NEO1: variants seen among roughly 807,000 people sequenced by gnomAD.
NEO1 encodes neogenin 1.
NEO1 carries 63 observed loss-of-function variants against 159.7 expected under a neutral mutation model. The observed-to-expected ratio is 0.39, with a 90% confidence interval of 0.32 to 0.49. The LOEUF (loss-of-function observed/expected upper bound fraction) is 0.49, where lower values mean the gene tolerates loss of function less well. Ranked by LOEUF, NEO1 falls within the 20% of genes least tolerant of loss-of-function variation. The pLI, the probability that NEO1 is intolerant of heterozygous loss-of-function variation, is 0.85. For missense variants in NEO1, 1,615 were observed against 1,831.0 expected, an observed-to-expected ratio of 0.88 and a Z score of 2.15; for synonymous variants, 633 against 662.0, an observed-to-expected ratio of 0.96 and a Z score of 0.67.
In NEO1 at chr15:73,186,763, G is replaced by A. The variant is rs189216326; in HGVS notation, c.1291+8336G>A. Among the ~76,000 whole-genome samples, 696 of 152,210 alleles carry A rather than the reference G, an allele frequency of 4.6e-3. 20 individuals are homozygous for A. Among genetic ancestry groups the A allele is most frequent in the Admixed American group, 0.033 (510 of 15,284 alleles). On this transcript the variant is annotated intron_variant, in intron 7 of 28. Transcript: ENST00000261908. Reference sequence around the variant, plus strand: ...CAATGATGGGGAGGTGAGGGGAATAGGGCAGGCAGCAATAGGGTAACACGC... The same window carrying A: ...CAATGATGGGGAGGTGAGGGGAATAAGGCAGGCAGCAATAGGGTAACACGC...
At position 73,060,529 on chromosome 15, in the gene NEO1, A is replaced by G. The variant is rs548777584; in HGVS notation, c.130+7724A>G. On this transcript the variant is annotated intron_variant, in intron 1 of 28. Transcript: ENST00000261908. ...ATGATCTGCCCGCCTCGGCCTCCCA[A>G]AGTGTTGGGATTACAGACGTGAGCC... 9.9e-5 allele frequency among the ~76,000 whole-genome samples: 15 copies of G among 152,230 alleles called. No homozygotes were observed. The South Asian group carries it at 2.9e-3, about 29-fold the overall frequency.
chr15:73,123,188 G>A (rs2071773046), intron 3 of NEO1, among the ~76,000 whole-genome samples: 1 of 151,830 alleles, frequency 6.6e-6, no homozygotes, highest in Non-Finnish European at 1.5e-5. Flanking sequence ...GTTAATATGC[G>A]GTATGACATT....
chr15:73,065,347 T>G (rs1352706833), intron 1 of NEO1, among the ~76,000 whole-genome samples: 1 of 152,190 alleles, frequency 6.6e-6, no homozygotes, highest in Admixed American at 6.5e-5. Context: ...GATCATTTCT[T>G]TCTGCCTGGA....
Position 73,126,431 on chromosome 15 carries a change from T to C in NEO1, c.739T>C (p.Ser247Pro). The change falls in exon 4 of 29, where the codon TCA becomes CCA. Residue 247 changes from serine (S) to proline (P), a missense_variant. Ser to Pro is a moderately conservative substitution (Grantham distance 74). Transcript: ENST00000261908. ...LKVLPDPEVISDLVFLKQPSP... is the reference protein window; with the variant it reads ...LKVLPDPEVIPDLVFLKQPSP... ...TTTTTTTTTAGATCCTGAGGTGATA[T>C]CAGACTTGGTATTTTTGAAACAGCC... 1 of 1,600,394 alleles carries C rather than the reference T, an allele frequency of 6.2e-7. No homozygotes were observed. The highest frequency in any genetic ancestry group is 1.7e-4 in the Middle Eastern group (1 of 5,998).
At chr15:73,092,024 ACT>A (rs2069723658) in intron 1 of NEO1, among the ~76,000 whole-genome samples, 1 of 151,954 alleles carries the variant, frequency 6.6e-6, no homozygotes, top group Non-Finnish European at 1.5e-5. Context: ...ATAAAATTGA[ACT>A]CTCTATTCAG....
At chr15:73,174,966 T>C (rs2035199044) in intron 5 of NEO1, among the ~76,000 whole-genome samples, 1 of 152,170 alleles carries the variant, frequency 6.6e-6, no homozygotes, top group Non-Finnish European at 1.5e-5. Flanking sequence ...TTTCCCTCCT[T>C]GGGGGAGGTT....
chr15:73,170,338 G>GGCTTCT (rs1179152931), intron 5 of NEO1, among the ~76,000 whole-genome samples: 4 of 152,124 alleles, frequency 2.6e-5, no homozygotes, highest in Admixed American at 6.5e-5. Flanking sequence ...AGATACAGAT[G>GGCTTCT]TAAAATTAAG....
At chr15:73,101,708 C>T (rs2070411885) in intron 1 of NEO1, among the ~76,000 whole-genome samples, 1 of 152,070 alleles carries the variant, frequency 6.6e-6, no homozygotes, top group African/African-American at 2.4e-5. Context: ...CGATTTTGTC[C>T]AGTTTTTAGT....
chr15:73,279,345 G>GTTTTTT (rs34303412), intron 22 of NEO1, among the ~76,000 whole-genome samples: 1 of 77,798 alleles, frequency 1.3e-5, no homozygotes, highest in Non-Finnish European at 3.6e-5. Context: ...TGTTGTTTTG[G>GTTTTTT]TTTTGGTTTT....
In NEO1 at chr15:73,304,232, G is replaced by A; in HGVS notation, c.*1536G>A. 6.6e-6 allele frequency: 1 copy of A among 151,994 alleles called. No individual in the cohort carries two copies. The highest frequency in any genetic ancestry group is 1.5e-5 in the Non-Finnish European group (1 of 68,002). 9.4% of individuals were successfully genotyped at this position (151,994 alleles called of 1,614,324 possible). On this transcript the variant is annotated 3_prime_UTR_variant, in exon 29 of 29. Coordinates refer to ENST00000261908, the MANE Select transcript of NEO1 (RefSeq NM_002499.4). ...GCCATTGCCTTTGCACATAGTTCTT[G>A]GGTTCTTTTTCCTAAAAAGGTAAGG... is the stretch of plus-strand genomic sequence containing the variant.
At chr15:73,073,957 A>T (rs1254679069) in intron 1 of NEO1, among the ~76,000 whole-genome samples, 1 of 152,188 alleles carries the variant, frequency 6.6e-6, no homozygotes, top group Non-Finnish European at 1.5e-5. Context: ...TAAATGAAAA[A>T]TGCATAAACA....
intron 5 of NEO1, among the ~76,000 whole-genome samples, chr15:73,155,108 G>A (rs554849748): frequency 5.3e-5 from 8 of 151,888 alleles, no homozygotes; most frequent in African/African-American, 1.9e-4. Flanking sequence ...TATAGGGCTG[G>A]TTTGGTGGTG....
chr15:73,284,731 AC>A (rs2041876838), intron 23 of NEO1, among the ~76,000 whole-genome samples: 1 of 151,742 alleles, frequency 6.6e-6, no homozygotes, highest in Non-Finnish European at 1.5e-5. Flanking sequence ...GATTACAGGC[AC>A]CCACCACCAT....
intron 15 of NEO1, among the ~76,000 whole-genome samples, chr15:73,263,046 C>T (rs1487128094): frequency 6.6e-6 from 1 of 151,972 alleles, no homozygotes; most frequent in Non-Finnish European, 1.5e-5. Context: ...ACTACAAGGG[C>T]ACCAGGGAGC....
At chr15:73,239,090 C>A (rs770231039) in intron 8 of NEO1, among the ~76,000 whole-genome samples, 1 of 152,062 alleles carries the variant, frequency 6.6e-6, no homozygotes, top group Non-Finnish European at 1.5e-5. Context: ...CTCAGGCGAT[C>A]CACTTCAGCC....
chr15:73,289,078 TTC>T, intron 24 of NEO1, 66 bp from the exon 25 acceptor site: 1 of 1,227,860 alleles, frequency 8.1e-7, no homozygotes. Flanking sequence ...CTAGAAATGT[TTC>T]ACTGTTGAGG....
intron 7 of NEO1, among the ~76,000 whole-genome samples, chr15:73,210,416 G>A (rs1212394092): frequency 6.6e-6 from 1 of 152,162 alleles, no homozygotes; most frequent in Non-Finnish European, 1.5e-5. Flanking sequence ...AACCATCAAG[G>A]ACTTCATTAG....
chr15:73,099,154 A>G (rs995592306), intron 1 of NEO1, among the ~76,000 whole-genome samples: 2 of 152,070 alleles, frequency 1.3e-5, no homozygotes, highest in Non-Finnish European at 2.9e-5. Context: ...CATTGTGGGT[A>G]TTTTGAGGTT....
At chr15:73,077,961 G>A (rs6416501) in intron 1 of NEO1, among the ~76,000 whole-genome samples, 80,880 of 152,008 alleles carry the variant, frequency 0.53, 22,015 homozygotes, top group Middle Eastern at 0.61. Context: ...AGTGGAGACA[G>A]ACCTATGGCG....
Sources: gnomAD v4.1 joint callset for allele counts (sites outside exome capture counted in the v4.1 genomes callset) on GRCh38, gnomAD v4.1.1 for gene constraint, MANE v1.5 for transcripts, NCBI Gene and HGNC (gene_info 2026-07-23, HGNC 2026-07-21) for gene names.